TMEM132D: variants seen among roughly 807,000 people sequenced by gnomAD.
The protein encoded by TMEM132D is transmembrane protein 132D, also known as mature OL transmembrane protein.
Under a neutral mutation model 62.3 loss-of-function variants are expected in TMEM132D, and 21 were observed. That is an observed-to-expected ratio of 0.34 (90% CI 0.24 to 0.49). TMEM132D has a LOEUF of 0.49. Among genes scored for constraint, TMEM132D ranks in the 20% least tolerant of loss-of-function variants. The pLI, the probability that TMEM132D is intolerant of heterozygous loss-of-function variation, is 0.99. For missense variants in TMEM132D, 1,346 were observed against 1,402.8 expected (o/e 0.96, Z 0.65); for synonymous variants, 621 against 575.6 (o/e 1.08, Z -1.13).
chr12:129,463,438 C>CTATA (rs1555258168), intron 3 of TMEM132D, among the ~76,000 whole-genome samples: 61 of 146,042 alleles, frequency 4.2e-4, no homozygotes, highest in African/African-American at 1.5e-3. Context: ...GATCCCTGTC[C>CTATA]TATTTATTTA....
intron 4 of TMEM132D, among the ~76,000 whole-genome samples, chr12:129,274,920 C>G (rs1345431312): frequency 6.6e-6 from 1 of 151,994 alleles, no homozygotes; most frequent in Non-Finnish European, 1.5e-5. Context: ...AATTATTTTA[C>G]TACAAATGAT....
At chr12:129,722,851 T>C (rs1044568200) in intron 1 of TMEM132D, among the ~76,000 whole-genome samples, 3 of 151,660 alleles carry the variant, frequency 2.0e-5, no homozygotes, top group Admixed American at 2.0e-4. Context: ...GAGATTCTCC[T>C]GCCTCAGCCT....
At chr12:129,478,019 TGGCTCCTG>T (rs1874321835) in intron 3 of TMEM132D, among the ~76,000 whole-genome samples, 2 of 152,180 alleles carry the variant, frequency 1.3e-5, no homozygotes, top group Non-Finnish European at 2.9e-5. Context: ...ACCTAGCCTA[TGGCTCCTG>T]GGCTACAAGT....
chr12:129,573,769 A>C (rs758809944), intron 2 of TMEM132D, among the ~76,000 whole-genome samples: 2 of 149,784 alleles, frequency 1.3e-5, no homozygotes, highest in African/African-American at 5.1e-5. Flanking sequence ...GCAGGGAAAG[A>C]TAACAGTGTC....
At chr12:129,408,286 T>C (rs1871855788) in intron 3 of TMEM132D, among the ~76,000 whole-genome samples, 1 of 152,354 alleles carries the variant, frequency 6.6e-6, no homozygotes, top group African/African-American at 2.4e-5. Flanking sequence ...TCTGTTTTTC[T>C]AGAGGAATTT....
chr12:129,814,780 C>T (rs1179371810), intron 1 of TMEM132D, among the ~76,000 whole-genome samples: 1 of 152,108 alleles, frequency 6.6e-6, no homozygotes, highest in African/African-American at 2.4e-5. Flanking sequence ...GGTCCTCTAA[C>T]CCACTGAGCT....
intron 2 of TMEM132D, among the ~76,000 whole-genome samples, chr12:129,658,247 T>A (rs1880145854): frequency 6.6e-6 from 1 of 152,162 alleles, no homozygotes; most frequent in Admixed American, 6.6e-5. Flanking sequence ...CCACTGTAGT[T>A]TGAGGAATTT....
At chr12:129,410,305 A>G (rs1243203094) in intron 3 of TMEM132D, among the ~76,000 whole-genome samples, 1 of 152,214 alleles carries the variant, frequency 6.6e-6, no homozygotes, top group Non-Finnish European at 1.5e-5. Context: ...CACACTGATG[A>G]TAAAGACATA....
intron 4 of TMEM132D, among the ~76,000 whole-genome samples, chr12:129,333,828 A>T (rs1869190622): frequency 6.6e-6 from 1 of 152,212 alleles, no homozygotes; most frequent in East Asian, 1.9e-4. Context: ...TATAAAATAT[A>T]AAAAATTATA....
In TMEM132D at chr12:129,088,722, C is replaced by A. The variant is rs796709318; in HGVS notation, c.1444-4020G>T. On this transcript the variant is annotated intron_variant, in intron 5 of 8. Coordinates refer to ENST00000422113, the MANE Select transcript of TMEM132D (RefSeq NM_133448.3). ...TGTCCTCCCTGACCGGGTGTCCTCC[C>A]TGACCGGGTGTCCTCCATGACCGGG... 7.7e-4 allele frequency among the ~76,000 whole-genome samples: 21 copies of A among 27,414 alleles called. 1 individual carries two copies. Among genetic ancestry groups the A allele is most frequent in the African/African-American group, 3.9e-3 (12 of 3,038 alleles). The allele number at this position is 27,414 out of a possible 152,430, so 18.0% of individuals were successfully genotyped here.
intron 5 of TMEM132D, among the ~76,000 whole-genome samples, chr12:129,170,519 C>G (rs1877690295): frequency 6.6e-6 from 1 of 152,054 alleles, no homozygotes; most frequent in Non-Finnish European, 1.5e-5. Context: ...ACACTCATGC[C>G]TTAATTTAAA....
intron 5 of TMEM132D, among the ~76,000 whole-genome samples, chr12:129,174,827 A>G (rs1461562940): frequency 2.0e-5 from 3 of 152,242 alleles, no homozygotes; most frequent in African/African-American, 7.2e-5. Flanking sequence ...TCTAATGATC[A>G]GTGATGTTGA....
Position 129,560,009 on chromosome 12 carries a change from C to G in TMEM132D, c.969-28804G>C, listed in dbSNP as rs147274615. 6.0e-3 allele frequency among the ~76,000 whole-genome samples: 909 copies of G among 152,190 alleles called. 10 individuals are homozygous for G. Among genetic ancestry groups the G allele is most frequent in the African/African-American group, 0.021 (865 of 41,524 alleles). On this transcript the variant is annotated intron_variant, in intron 2 of 8. Coordinates refer to ENST00000422113, the MANE Select transcript of TMEM132D (RefSeq NM_133448.3). Reference sequence around the variant, plus strand: ...GATGGAAAACCAACAGCTGTTGAGGCCAGAACAATGTATGAATGTTAAAGG... The same window carrying G: ...GATGGAAAACCAACAGCTGTTGAGGGCAGAACAATGTATGAATGTTAAAGG...
At chr12:129,390,314 A>G (rs1871257843) in intron 3 of TMEM132D, among the ~76,000 whole-genome samples, 2 of 152,158 alleles carry the variant, frequency 1.3e-5, no homozygotes, top group Admixed American at 1.3e-4. Flanking sequence ...CCAGTTGAGT[A>G]GCTGAGGCAG....
At chr12:129,657,689 G>A (rs1010756125) in intron 2 of TMEM132D, among the ~76,000 whole-genome samples, 2 of 152,174 alleles carry the variant, frequency 1.3e-5, no homozygotes, top group Admixed American at 6.6e-5. Context: ...AAAGCACTTG[G>A]CAACCAGTCA....
chr12:129,114,124 C>T (rs1050846332), intron 5 of TMEM132D, among the ~76,000 whole-genome samples: 2 of 152,146 alleles, frequency 1.3e-5, no homozygotes, highest in African/African-American at 4.8e-5. Context: ...GAAGGTACAC[C>T]TGCCTGATAC....
At chr12:129,770,628 A>C (rs1431396991) in intron 1 of TMEM132D, among the ~76,000 whole-genome samples, 1 of 152,214 alleles carries the variant, frequency 6.6e-6, no homozygotes, top group Non-Finnish European at 1.5e-5. Flanking sequence ...AGGGGAAAAT[A>C]TCAGAAGTCA....
chr12:129,162,802 A>G (rs1169223055), intron 5 of TMEM132D, among the ~76,000 whole-genome samples: 1 of 152,214 alleles, frequency 6.6e-6, no homozygotes, highest in Non-Finnish European at 1.5e-5. Context: ...TACGGCTTGC[A>G]TAACTGTCAG....
intron 2 of TMEM132D, among the ~76,000 whole-genome samples, chr12:129,565,185 A>G (rs1877335615): frequency 1.3e-5 from 2 of 152,218 alleles, no homozygotes; most frequent in Admixed American, 1.3e-4. Flanking sequence ...TGAGATTCAT[A>G]TTGATCACCA....
Sources: allele counts gnomAD v4.1 joint callset (sites outside exome capture counted in the v4.1 genomes callset), GRCh38; gene constraint gnomAD v4.1.1; transcripts MANE v1.5; gene names NCBI Gene and HGNC (gene_info 2026-07-23, HGNC 2026-07-21).